Variants in CPLX2 observed in about 807,000 individuals in gnomAD.
CPLX2 encodes complexin 2, also known as complexin-2.
CPLX2 carries 5 observed loss-of-function variants against 16.3 expected under a neutral mutation model. The observed-to-expected ratio is 0.31, with a 90% CI of 0.16 to 0.64. The LOEUF (loss-of-function observed/expected upper bound fraction) is 0.64, where lower values mean the gene tolerates loss of function less well. Among genes scored for constraint, CPLX2 ranks in the 30% least tolerant of loss-of-function variants. The pLI is 0.79. For synonymous variants in CPLX2, 89 were observed against 73.2 expected, an observed-to-expected ratio of 1.22 and a Z score of -1.10; for missense variants, 144 against 181.4, an observed-to-expected ratio of 0.79 and a Z score of 1.18.
At chr5:175,851,296 G>C (rs988968717) in intron 2 of CPLX2, among the ~76,000 whole-genome samples, 1 of 152,118 alleles carries the variant, frequency 6.6e-6, no homozygotes, top group Non-Finnish European at 1.5e-5. Context: ...GGTCCAGTTG[G>C]GGCCAGGTTG....
rs1561766329 is a variant in CPLX2, at chr5:175,799,551, TATATATA to T, written c.-169+2768_-169+2774del. 2.2e-4 allele frequency among the ~76,000 whole-genome samples: 30 copies of T among 137,098 alleles called. 1 individual carries two copies. Among genetic ancestry groups the T allele is most frequent in the African/African-American group, 8.1e-4 (29 of 35,778 alleles). 89.9% of individuals were successfully genotyped at this position (137,098 alleles called of 152,430 possible). A position where few individuals can be genotyped will look rare whatever the true frequency, so the allele number is the denominator to read the frequency against. On this transcript the variant is annotated intron_variant, in intron 1 of 4. Transcript: ENST00000359546. The stretch of plus-strand genomic sequence containing the variant: ...CCTTTGCAAATTTCATATATATATA[TATATATA>T]TATATATATATATATATAGTAATCA...
chr5:175,879,090 TCCGC>T lies in CPLX2; in HGVS notation c.207+19_207+22del, dbSNP rs746752549. On this transcript the variant is annotated splice_region_variant and intron_variant, in intron 3 of 3. Transcript: ENST00000393745. ...GCAGCAGATCCGAGATAAGGTCAGC[TCCGC>T]CCGCCCGCCCGTCCTGGGGAGGGCC... The T allele has an allele frequency of 1.9e-6, 3 of 1,558,170 alleles. No individual in the cohort carries two copies. Among genetic ancestry groups the T allele is most frequent in the East Asian group, 2.4e-5 (1 of 41,646 alleles).
At chr5:175,868,376 CT>C (rs1051657797), upstream of CPLX2, among the ~76,000 whole-genome samples, 2 of 152,244 alleles carry the variant, frequency 1.3e-5, no homozygotes. Flanking sequence ...AACATTAGCT[CT>C]CTTGATTGGC....
chr5:175,816,383 G>A (rs183689656), intron 2 of CPLX2, among the ~76,000 whole-genome samples: 12 of 152,226 alleles, frequency 7.9e-5, no homozygotes, highest in East Asian at 1.9e-4. Flanking sequence ...AGCCAGGATG[G>A]TCTTGATCTC....
rs1665708034 is a variant in CPLX2, at chr5:175,872,530, CG to C, written c.-89+830del. Among the ~76,000 whole-genome samples, 1 of 151,932 alleles carries C rather than the reference CG, an allele frequency of 6.6e-6. No individual in the cohort carries two copies. The highest frequency in any genetic ancestry group is 2.1e-4 in the South Asian group (1 of 4,792). On this transcript the variant is annotated intron_variant, in intron 1 of 3. Transcript: ENST00000393745. This position sits in a 1 kb window ranked among gnomAD's most constrained non-coding sequence, Gnocchi z 5.0. ...GAGCTGCTGGGGGTGTGGGTCTCCGCGGGGGTCCGGGAGAGGGGCGCCGGGG... is the reference window on the plus strand; with the variant it reads ...GAGCTGCTGGGGGTGTGGGTCTCCGCGGGGTCCGGGAGAGGGGCGCCGGGG...
intron 2 of CPLX2, among the ~76,000 whole-genome samples, chr5:175,842,646 C>G (rs1036408372): frequency 1.2e-4 from 18 of 152,232 alleles, no homozygotes; most frequent in Admixed American, 1.2e-3. Context: ...TAATCCTCCT[C>G]CCCTGGCCCC....
chr5:175,860,577 G>A (rs75991131), intron 2 of CPLX2, among the ~76,000 whole-genome samples: 3 of 101,982 alleles, frequency 2.9e-5, no homozygotes, highest in Non-Finnish European at 6.1e-5. Flanking sequence ...AAGGGAGGGA[G>A]GGAGGGAGGG....
intron 2 of CPLX2, among the ~76,000 whole-genome samples, chr5:175,823,306 T>C (rs1758547270): frequency 6.6e-6 from 1 of 151,562 alleles, no homozygotes; most frequent in Non-Finnish European, 1.5e-5. Flanking sequence ...GATGGATGAG[T>C]GGTGAGATGG....
At chr5:175,840,380 T>A (rs1226195046) in intron 2 of CPLX2, among the ~76,000 whole-genome samples, 1 of 152,190 alleles carries the variant, frequency 6.6e-6, no homozygotes, top group African/African-American at 2.4e-5. Context: ...ATTTGCGTCT[T>A]TTCTTCAGGT....
chr5:175,853,806 C>A (rs998707920), intron 2 of CPLX2, among the ~76,000 whole-genome samples: 1 of 152,124 alleles, frequency 6.6e-6, no homozygotes, highest in Non-Finnish European at 1.5e-5. Flanking sequence ...CTTGAGCAAG[C>A]GGCTGCACTT....
intron 2 of CPLX2, among the ~76,000 whole-genome samples, chr5:175,821,832 G>C (rs1041155908): frequency 1.6e-4 from 24 of 152,230 alleles, no homozygotes; most frequent in Admixed American, 5.2e-4. Flanking sequence ...AGATGAGTAA[G>C]ACATGGACTT....
At position 175,876,551 on chromosome 5, in the gene CPLX2, G is replaced by A. The variant is rs1252927195; in HGVS notation, c.-88-2101G>A. ...GGAGGTTTGAGGGTACAGTGGGGTT[G>A]TCAGCAGTTCAAATGCTGCAGACTG... On this transcript the variant is annotated intron_variant, in intron 1 of 3. Coordinates refer to ENST00000393745, the MANE Select transcript of CPLX2 (RefSeq NM_001008220.2). 2.6e-5 allele frequency among the ~76,000 whole-genome samples: 4 copies of A among 152,170 alleles called. No homozygotes were observed. The East Asian group carries it at 7.7e-4, about 29-fold the overall frequency.
At chr5:175,856,252 G>A (rs1759255478) in intron 2 of CPLX2, among the ~76,000 whole-genome samples, 1 of 152,186 alleles carries the variant, frequency 6.6e-6, no homozygotes, top group African/African-American at 2.4e-5. Context: ...GTAGTATAAA[G>A]CTCATGTAAA....
chr5:175,846,299 C>T (rs182887794), intron 2 of CPLX2, among the ~76,000 whole-genome samples: 1 of 152,228 alleles, frequency 6.6e-6, no homozygotes, highest in Admixed American at 6.5e-5. Flanking sequence ...TGGTCAGCCC[C>T]GCAGTAGGAT....
chr5:175,880,795 G>GCCTAT lies in CPLX2; in HGVS notation c.*752_*753insTATCC, dbSNP rs1755571796. The GCCTAT allele has an allele frequency of 6.5e-6, 1 of 153,052 alleles. No individual in the cohort carries two copies. Among genetic ancestry groups the GCCTAT allele is most frequent in the African/African-American group, 2.4e-5 (1 of 41,450 alleles). The allele number at this position is 153,052 out of a possible 1,614,324, so 9.5% of individuals were successfully genotyped here. ...TCCTGGGCCCCCACTGCCAGGCTGG[G>GCCTAT]CCCAGCTTGCTCAGTCAAGGGGCTG... On this transcript the variant is annotated 3_prime_UTR_variant, in exon 4 of 4. Coordinates refer to ENST00000393745, the MANE Select transcript of CPLX2 (RefSeq NM_001008220.2).
At chr5:175,860,977 G>A (rs1759362508) in intron 2 of CPLX2, among the ~76,000 whole-genome samples, 1 of 150,772 alleles carries the variant, frequency 6.6e-6, no homozygotes, top group Non-Finnish European at 1.5e-5. Context: ...ATGGGGTTAT[G>A]TGTGTGGGTG....
chr5:175,799,621 T>C (rs1427293188), intron 1 of CPLX2, among the ~76,000 whole-genome samples: 1 of 144,926 alleles, frequency 6.9e-6, no homozygotes, highest in African/African-American at 2.6e-5. Context: ...GCTTAAGGGG[T>C]CCTCCCTCCT....
chr5:175,865,281 G>A (rs1204250377), intron 2 of CPLX2, among the ~76,000 whole-genome samples: 1 of 152,162 alleles, frequency 6.6e-6, no homozygotes, highest in Non-Finnish European at 1.5e-5. Context: ...TTATCAACAA[G>A]CAAGATCTGT....
At chr5:175,870,880 T>C (rs1276347767), upstream of CPLX2, among the ~76,000 whole-genome samples, 2 of 152,330 alleles carry the variant, frequency 1.3e-5, no homozygotes, top group African/African-American at 2.4e-5. Context: ...TGGAGGTTCC[T>C]GACCCACTGC....
Sources: allele counts gnomAD v4.1 joint callset (sites outside exome capture counted in the v4.1 genomes callset), GRCh38; gene constraint gnomAD v4.1.1; non-coding constraint Gnocchi (gnomAD v3.1); transcripts MANE v1.5; gene names NCBI Gene and HGNC (gene_info 2026-07-23, HGNC 2026-07-21).